Variants in XPR1 observed in about 807,000 individuals in gnomAD.
XPR1 encodes solute carrier family 53 member 1.
A neutral mutation model predicts 87.5 loss-of-function variants in XPR1; 28 were observed. The observed-to-expected ratio is 0.32, with a 90% CI of 0.24 to 0.44. XPR1 has a LOEUF of 0.44. Ranked by LOEUF, XPR1 falls within the 20% of genes least tolerant of loss-of-function variation. The pLI is 1.00. For synonymous variants in XPR1, 300 were observed against 306.1 expected (o/e 0.98, Z 0.21); for missense variants, 559 against 862.3 (o/e 0.65, Z 4.41).
intron 2 of XPR1, among the ~76,000 whole-genome samples, chr1:180,717,400 C>T (rs1357227427): frequency 1.3e-5 from 2 of 151,890 alleles, no homozygotes; most frequent in Admixed American, 1.3e-4. Context: ...TTGTGGAGGA[C>T]CAAAATATAC....
chr1:180,755,707 T>G (rs949255187), intron 2 of XPR1, among the ~76,000 whole-genome samples: 12 of 152,242 alleles, frequency 7.9e-5, no homozygotes, highest in African/African-American at 2.7e-4. Context: ...TTTATAAAAC[T>G]GTGATACCAT....
intron 11 of XPR1, among the ~76,000 whole-genome samples, chr1:180,839,950 G>A (rs938391328): frequency 5.9e-5 from 9 of 151,426 alleles, no homozygotes; most frequent in South Asian, 2.1e-4. Flanking sequence ...TCGGCCGGGC[G>A]CGGTGGCTCA....
intron 2 of XPR1, among the ~76,000 whole-genome samples, chr1:180,708,928 G>GGGGGGGGGGA (rs1657656203): frequency 1.1e-5 from 1 of 95,184 alleles, no homozygotes; most frequent in Non-Finnish European, 2.2e-5. Context: ...GGGGGCGGGG[G>GGGGGGGGGGA]CGGGGACAAG....
chr1:180,877,502 A>T (rs1178570228), intron 13 of XPR1, among the ~76,000 whole-genome samples: 1 of 152,214 alleles, frequency 6.6e-6, no homozygotes, highest in Non-Finnish European at 1.5e-5. Context: ...CCCAGCTCCT[A>T]CTGTATACTG....
chr1:180,656,542 T>TATA (rs1655522697), intron 1 of XPR1, among the ~76,000 whole-genome samples: 1 of 91,534 alleles, frequency 1.1e-5, no homozygotes, highest in Admixed American at 1.9e-4. Context: ...ATATATAATA[T>TATA]TTATATATTT....
chr1:180,801,709 A>G (rs192928303), intron 3 of XPR1, among the ~76,000 whole-genome samples: 65 of 152,244 alleles, frequency 4.3e-4, no homozygotes, highest in African/African-American at 1.5e-3. Context: ...ATTATGAGAA[A>G]GCATAAGTTG....
At chr1:180,795,449 G>A (rs1029616933) in intron 3 of XPR1, among the ~76,000 whole-genome samples, 4 of 152,092 alleles carry the variant, frequency 2.6e-5, no homozygotes, top group Admixed American at 1.3e-4. Flanking sequence ...CAGGTCACTT[G>A]ATTTACTGGC....
intron 2 of XPR1, among the ~76,000 whole-genome samples, chr1:180,704,742 A>G (rs184532217): frequency 6.7e-6 from 1 of 149,630 alleles, no homozygotes; most frequent in East Asian, 1.9e-4. Context: ...ATATTACAAA[A>G]ATTTCCAGAC....
intron 11 of XPR1, among the ~76,000 whole-genome samples, chr1:180,861,951 A>T (rs1487940443): frequency 6.6e-6 from 1 of 152,166 alleles, no homozygotes; most frequent in African/African-American, 2.4e-5. Context: ...TACAATAAAT[A>T]CATCCAACCT....
intron 1 of XPR1, among the ~76,000 whole-genome samples, chr1:180,637,829 C>T (rs1260956923): frequency 6.6e-6 from 1 of 152,248 alleles, no homozygotes; most frequent in Non-Finnish European, 1.5e-5. Context: ...GCTGGGATTA[C>T]AGGCATGAGC....
intron 7 of XPR1, among the ~76,000 whole-genome samples, chr1:180,818,272 A>G (rs1023987095): frequency 4.0e-5 from 6 of 151,554 alleles, no homozygotes; most frequent in Admixed American, 1.3e-4. Flanking sequence ...TGAGTTGGCA[A>G]CTTAATACAG....
intron 2 of XPR1, among the ~76,000 whole-genome samples, chr1:180,708,165 T>C (rs1460183428): frequency 6.6e-6 from 1 of 152,230 alleles, no homozygotes; most frequent in East Asian, 1.9e-4. Flanking sequence ...TGAACATCTA[T>C]TACAAATAGG....
intron 11 of XPR1, among the ~76,000 whole-genome samples, chr1:180,848,901 C>T (rs751192953): frequency 5.5e-4 from 84 of 152,038 alleles, no homozygotes; most frequent in Non-Finnish European, 1.0e-3. Flanking sequence ...TGTTAGGAAT[C>T]CTTAAAAATT....
intron 3 of XPR1, among the ~76,000 whole-genome samples, chr1:180,800,673 A>G (rs1381187450): frequency 1.3e-5 from 2 of 152,246 alleles, no homozygotes; most frequent in Non-Finnish European, 2.9e-5. Context: ...CAAAGCTAAT[A>G]TACAAAAGCC....
chr1:180,842,500 A>G (rs1046230880), intron 11 of XPR1, among the ~76,000 whole-genome samples: 2 of 152,232 alleles, frequency 1.3e-5, no homozygotes, highest in African/African-American at 4.8e-5. Context: ...TATTTTTTCT[A>G]TCATTGATTT....
At chr1:180,644,957 C>T (rs1269634717) in intron 1 of XPR1, among the ~76,000 whole-genome samples, 1 of 151,948 alleles carries the variant, frequency 6.6e-6, no homozygotes, top group Admixed American at 6.6e-5. Flanking sequence ...TGCTTATGTT[C>T]AGTCTACTCC....
chr1:180,707,028 A>T (rs1423134515), intron 2 of XPR1, among the ~76,000 whole-genome samples: 1 of 152,210 alleles, frequency 6.6e-6, no homozygotes, highest in Non-Finnish European at 1.5e-5. Flanking sequence ...TATCAGTTGT[A>T]GAAATATGTA....
In XPR1 at chr1:180,645,672, A is replaced by G. The variant is rs114335504; in HGVS notation, c.69+13402A>G. Among the ~76,000 whole-genome samples the G allele has an allele frequency of 3.6e-3, 547 of 152,368 alleles. 2 individuals carry two copies. The highest frequency in any genetic ancestry group is 0.013 in the African/African-American group (529 of 41,594). ...CTAAGAGAAGATGTGTGTGCTCTGC[A>G]TCCATCTCCTCACAGAGCTGTGCAA... On this transcript the variant is annotated intron_variant, in intron 1 of 14. Transcript: ENST00000367590.
In XPR1 at chr1:180,804,603, G is replaced by A. The variant is rs188274072; in HGVS notation, c.447+992G>A. Among the ~76,000 whole-genome samples the A allele has an allele frequency of 3.9e-3, 587 of 151,914 alleles. 3 individuals carry two copies. The highest frequency in any genetic ancestry group is 0.013 in the African/African-American group (557 of 41,488). ...TAAAACTAAAGATTATGTAACAAAA[G>A]TATTACCTGGAATATTAGAATTTTA... On this transcript the variant is annotated intron_variant, in intron 4 of 14. Coordinates refer to ENST00000367590, the MANE Select transcript of XPR1 (RefSeq NM_004736.4).
Sources: allele counts gnomAD v4.1 joint callset (sites outside exome capture counted in the v4.1 genomes callset), GRCh38; gene constraint gnomAD v4.1.1; transcripts MANE v1.5; gene names NCBI Gene and HGNC (gene_info 2026-07-23, HGNC 2026-07-21).